Variants in NFKBID observed in about 807,000 individuals in gnomAD.
NFKBID encodes NFKB inhibitor delta, also known as NF-kappa-B inhibitor delta.
A neutral mutation model predicts 53.4 loss-of-function variants in NFKBID; 26 were observed. The observed-to-expected ratio is 0.49, with a 90% CI of 0.36 to 0.68. The LOEUF (loss-of-function observed/expected upper bound fraction) is 0.68. NFKBID is among the 30% of genes least tolerant of loss of function. NFKBID has a pLI of 0.00. For missense variants in NFKBID, 493 were observed against 614.1 expected (o/e 0.80, Z 2.08); for synonymous variants, 262 against 259.8 (o/e 1.01, Z -0.08).
At chr19:35,888,034 CT>C (rs1436748297), downstream of NFKBID, 1 of 153,228 alleles carries the variant, frequency 6.5e-6, no homozygotes, top group Non-Finnish European at 1.5e-5. Context: ...GGGTCTGGAA[CT>C]GGGGGCCCAG....
At position 35,897,842 on chromosome 19, in the gene NFKBID, G is replaced by A. The variant is rs1446226333; in HGVS notation, c.241C>T (p.Pro81Ser). Reference sequence around the variant, plus strand: ...GAACCCACAGTCTCCGAGTGTGCTGGGAAGGGAGGGTGGCCTGCGTGTAAG... The same window carrying A: ...GAACCCACAGTCTCCGAGTGTGCTGAGAAGGGAGGGTGGCCTGCGTGTAAG... Residue 81 changes from proline (P) to serine (S), a missense_variant, in exon 4 of 12, where the codon CCA becomes TCA. Transcript: ENST00000641389. 5 of 1,552,254 alleles carry A rather than the reference G, an allele frequency of 3.2e-6. No individual in the cohort carries two copies. The East Asian group carries it at 7.1e-5, about 22-fold the overall frequency.
intron 1 of NFKBID, 58 bp from the exon 2 acceptor site, chr19:35,898,880 C>T (rs1975379937): frequency 7.3e-7 from 1 of 1,367,094 alleles, no homozygotes; most frequent in Non-Finnish European, 1.0e-6. Context: ...CTAAATGCCG[C>T]GGGGGTGGCG....
At chr19:35,888,591 T>C (rs1974540673) in exon 12 of NFKBID, 1 of 1,572,792 alleles carries the variant, frequency 6.4e-7, no homozygotes, top group Admixed American at 1.9e-5. Context: ...GCCACACGGC[T>C]CCTCTTCAAC....
intron 1 of NFKBID, 75 bp downstream of exon 1, chr19:35,900,367 G>A (rs926894738): frequency 9.0e-7 from 1 of 1,114,018 alleles, no homozygotes; most frequent in Non-Finnish European, 1.1e-6. Context: ...CCGTCCCTCA[G>A]GGCCTCGGGA....
At chr19:35,895,802 C>T (rs1163102764) in intron 9 of NFKBID, among the ~76,000 whole-genome samples, 178 bp downstream of exon 9, 1 of 152,154 alleles carries the variant, frequency 6.6e-6, no homozygotes, top group Non-Finnish European at 1.5e-5. Flanking sequence ...AAAACTCCAT[C>T]TCAAAACAAA....
exon 12 of NFKBID, chr19:35,888,557 T>C (rs1364871559): frequency 6.4e-7 from 1 of 1,565,262 alleles, no homozygotes; most frequent in Non-Finnish European, 8.7e-7. Context: ...TGGGTTTGAG[T>C]CCTAAGAGGA....
exon 4 of NFKBID, chr19:35,897,679 T>G (rs775999209): frequency 6.2e-7 from 1 of 1,606,576 alleles, no homozygotes. Flanking sequence ...TGGGCACGGC[T>G]GCCCTGGGTC....
chr19:35,890,313 C>T (rs1212564260), intron 10 of NFKBID, 61 bp downstream of exon 10: 10 of 1,175,916 alleles, frequency 8.5e-6, no homozygotes, highest in Non-Finnish European at 1.3e-5. Flanking sequence ...GGACCCCTAA[C>T]ATCCCACTGC....
upstream of NFKBID, among the ~76,000 whole-genome samples, chr19:35,901,385 T>A (rs1371755577): frequency 6.6e-6 from 1 of 152,144 alleles, no homozygotes; most frequent in Non-Finnish European, 1.5e-5. Flanking sequence ...TTTCATTTAC[T>A]CATTCATCAT....
intron 9 of NFKBID, 189 bp from the exon 10 acceptor site, chr19:35,890,679 C>T (rs1309439056): frequency 3.0e-6 from 2 of 666,950 alleles, no homozygotes; most frequent in South Asian, 3.0e-5. Flanking sequence ...GCCTGGACAA[C>T]ACAGCAAGAC....
rs747837091 is a variant in NFKBID at position 35,896,816 on chromosome 19, A to C, written c.594T>G (p.Phe198Leu). ...CCGCCCAGCGCAGCCCCCGAGCCGC[A>C]AACAGGTGAAGGAGCCTGAGGACAG... Residue 198 changes from phenylalanine (F) to leucine (L), a missense_variant, in exon 6 of 12, where the codon TTT (phenylalanine) becomes TTG (leucine). This residue lies in a region of NFKBID where 267 missense variants were observed against 384.6 expected (regional missense o/e 0.69). Coordinates refer to ENST00000641389, the Ensembl canonical transcript of NFKBID. The surrounding 1 kb of genome is among the most constrained non-coding windows in gnomAD (Gnocchi z 5.7). The C allele has an allele frequency of 3.7e-6, 6 of 1,613,974 alleles. No homozygotes were observed. The East Asian group carries it at 1.1e-4, about 30-fold the overall frequency.
exon 2 of NFKBID, chr19:35,898,727 C>A (rs1177107656): frequency 2.0e-6 from 3 of 1,535,796 alleles, no homozygotes; most frequent in South Asian, 2.4e-5. Flanking sequence ...ACCTGCACCC[C>A]GCCAGCGTCG....
At chr19:35,897,604 G>C (rs73928350) in intron 4 of NFKBID, 47 bp downstream of exon 4, 2 of 973,676 alleles carry the variant, frequency 2.1e-6, no homozygotes, top group Admixed American at 3.5e-5. Flanking sequence ...GTGCAACTGC[G>C]AATTTTTAGG....
In NFKBID at chr19:35,896,422, G is replaced by C. The variant is rs200569784; in HGVS notation, c.801C>G (p.Ala267=). 2.5e-6 allele frequency: 4 copies of C among 1,614,156 alleles called. No individual in the cohort carries two copies. In the East Asian group the frequency reaches 8.9e-5, roughly 36 times the overall value. Reference sequence around the variant, plus strand: ...GAACTCCTGGGAGCCCGTAGGTAGCGGCCACGTGCAAGACCGAACGTCCCT... The same window carrying C: ...GAACTCCTGGGAGCCCGTAGGTAGCCGCCACGTGCAAGACCGAACGTCCCT... The change falls in exon 7 of 12, where the codon GCC becomes GCG. Residue 267 remains alanine (A), a synonymous_variant. Coordinates refer to ENST00000641389, the Ensembl canonical transcript of NFKBID. The surrounding 1 kb of genome is among the most constrained non-coding windows in gnomAD (Gnocchi z 5.7).
At chr19:35,900,835 T>TC (rs1302049257), upstream of NFKBID, among the ~76,000 whole-genome samples, 43 of 143,226 alleles carry the variant, frequency 3.0e-4, no homozygotes, top group Admixed American at 1.2e-3. Flanking sequence ...TTCTTTTTTT[T>TC]TTTTTTTTTT....
Position 35,896,251 on chromosome 19 carries a change from C to G in NFKBID, c.850G>C (p.Val284Leu). 1.9e-6 allele frequency: 3 copies of G among 1,614,202 alleles called. No homozygotes were observed. The highest frequency in any genetic ancestry group is 2.5e-6 in the Non-Finnish European group (3 of 1,180,030). Reference sequence around the variant, plus strand: ...TCTCTGGCTTCCAGGTCAACCTGGACCCCAGAGTTAAGCACAGCCTGGGAG... The same window carrying G: ...TCTCTGGCTTCCAGGTCAACCTGGAGCCCAGAGTTAAGCACAGCCTGGGAG... Residue 284 changes from valine to leucine, a missense_variant, in exon 8 of 12, where the codon GTC becomes CTC. This residue lies in a region of NFKBID where 267 missense variants were observed against 384.6 expected (regional missense o/e 0.69). Coordinates refer to ENST00000641389, the Ensembl canonical transcript of NFKBID. The surrounding 1 kb of genome is among the most constrained non-coding windows in gnomAD (Gnocchi z 5.7).
Position 35,890,004 on chromosome 19 carries a change from C to T in NFKBID, c.1200G>A (p.Pro400=), listed in dbSNP as rs28612528. Residue 400 remains proline (P), a synonymous_variant, in exon 11 of 12, where the codon CCG becomes CCA. Coordinates refer to ENST00000641389, the Ensembl canonical transcript of NFKBID. ...GGTGCCGCACGATGGCCTCCTGGGC[C>T]GGCCCAGGGGGCAGGGCAGCCGCCA... 4,374 of 1,608,896 alleles carry T rather than the reference C, an allele frequency of 2.7e-3. 82 individuals are homozygous for T. In the African/African-American group the frequency reaches 0.043, roughly 16 times the overall value.
At chr19:35,897,472 G>T in intron 4 of NFKBID, 179 bp downstream of exon 4, 1 of 649,804 alleles carries the variant, frequency 1.5e-6, no homozygotes. Context: ...TCAAACGCCT[G>T]ACCTCAAGTG....
intron 9 of NFKBID, among the ~76,000 whole-genome samples, chr19:35,895,726 C>A (rs1207873984): frequency 6.6e-6 from 1 of 152,158 alleles, no homozygotes; most frequent in Non-Finnish European, 1.5e-5. Context: ...ATCACTTGAA[C>A]CCGGGATGCA....
Sources: gnomAD v4.1 joint callset for allele counts (sites outside exome capture counted in the v4.1 genomes callset) on GRCh38, gnomAD v4.1.1 for gene constraint, gnomAD v4.1.1 regional missense constraint, Gnocchi (gnomAD v3.1) non-coding constraint, MANE v1.5 for transcripts, NCBI Gene and HGNC (gene_info 2026-07-23, HGNC 2026-07-21) for gene names.